The following STXBP5 variants were observed in gnomAD, a reference collection of about 807,000 sequenced individuals.
STXBP5 encodes the protein syntaxin binding protein 5, also known as syntaxin-binding protein 5.
Under a neutral mutation model 152.4 loss-of-function variants are expected in STXBP5, and 50 were observed. The observed-to-expected ratio is 0.33, with a 90% CI of 0.26 to 0.42. The LOEUF (loss-of-function observed/expected upper bound fraction) is 0.42. STXBP5 is among the 10% of genes least tolerant of loss of function. The probability of loss-of-function intolerance (pLI) is 1.00; values close to 1 mark genes in which losing one functional copy is unlikely to be tolerated. For synonymous variants in STXBP5, 492 were observed against 494.7 expected, an observed-to-expected ratio of 0.99 and a Z score of 0.07; for missense variants, 1,167 against 1,388.6, an observed-to-expected ratio of 0.84 and a Z score of 2.54.
At chr6:147,269,618 T>C (rs1489711585) in intron 7 of STXBP5, among the ~76,000 whole-genome samples, 1 of 151,992 alleles carries the variant, frequency 6.6e-6, no homozygotes, top group African/African-American at 2.4e-5. Flanking sequence ...CTCCATATGC[T>C]TAAGAAGGTA....
intron 21 of STXBP5, among the ~76,000 whole-genome samples, chr6:147,347,604 G>T (rs2128403013): frequency 6.6e-6 from 1 of 152,292 alleles, no homozygotes; most frequent in Non-Finnish European, 1.5e-5. Flanking sequence ...AGGAATGTTT[G>T]ATCATAAAAG....
At chr6:147,365,754 T>G (rs1381998765) in intron 25 of STXBP5, among the ~76,000 whole-genome samples, 1 of 152,230 alleles carries the variant, frequency 6.6e-6, no homozygotes, top group Non-Finnish European at 1.5e-5. Context: ...TGTTGAAGAC[T>G]ATGATGAACT....
chr6:147,227,358 A>T (rs554357918), intron 2 of STXBP5, among the ~76,000 whole-genome samples: 3 of 152,158 alleles, frequency 2.0e-5, no homozygotes, highest in African/African-American at 4.8e-5. Flanking sequence ...AACATGCCCT[A>T]CCTTGCCCAT....
At chr6:147,347,032 G>A (rs1283853810) in intron 21 of STXBP5, among the ~76,000 whole-genome samples, 3 of 152,134 alleles carry the variant, frequency 2.0e-5, no homozygotes, top group Non-Finnish European at 2.9e-5. Context: ...GGAATTCTGG[G>A]TTGCTGGCAT....
intron 26 of STXBP5, among the ~76,000 whole-genome samples, chr6:147,380,443 T>A (rs1583018826): frequency 7.2e-6 from 1 of 139,122 alleles, no homozygotes; most frequent in African/African-American, 2.7e-5. Context: ...AATAACTAGA[T>A]ATTCATCTGC....
Position 147,384,899 on chromosome 6 carries a change from C to T in STXBP5, c.*144C>T, listed in dbSNP as rs903471829. On this transcript the variant is annotated 3_prime_UTR_variant, in exon 28 of 28. Coordinates refer to ENST00000321680, the MANE Select transcript of STXBP5 (RefSeq NM_001127715.4). ...AGCACAGTCATGCACTGTTTTACCTCAGTCATGTGGCTTTAACTGAGGAGT... is the reference window on the plus strand; with the variant it reads ...AGCACAGTCATGCACTGTTTTACCTTAGTCATGTGGCTTTAACTGAGGAGT... The T allele has an allele frequency of 8.5e-6, 7 of 822,278 alleles. No homozygotes were observed. The highest frequency in any genetic ancestry group is 1.7e-5 in the African/African-American group (1 of 58,010). The allele number at this position is 822,278 out of a possible 1,614,324, so 50.9% of individuals were successfully genotyped here.
At chr6:147,312,615 C>G (rs558614029) in intron 11 of STXBP5, among the ~76,000 whole-genome samples, 1 of 152,222 alleles carries the variant, frequency 6.6e-6, no homozygotes, top group Admixed American at 6.6e-5. Context: ...CAGTTCCCTA[C>G]AGTAGAACAT....
chr6:147,277,315 G>A (rs1780491176), intron 7 of STXBP5, among the ~76,000 whole-genome samples: 1 of 152,074 alleles, frequency 6.6e-6, no homozygotes. Flanking sequence ...TTGCATTCCA[G>A]TAGGGTGGCT....
chr6:147,382,621 T>C (rs1471613965), intron 26 of STXBP5, among the ~76,000 whole-genome samples, 157 bp from the exon 27 acceptor site: 2 of 152,152 alleles, frequency 1.3e-5, no homozygotes, highest in African/African-American at 4.8e-5. Flanking sequence ...AAACCAATCA[T>C]AACAAAAGAA....
chr6:147,361,810 C>G (rs1483437154), intron 23 of STXBP5, among the ~76,000 whole-genome samples: 1 of 152,108 alleles, frequency 6.6e-6, no homozygotes, highest in Non-Finnish European at 1.5e-5. Flanking sequence ...GGCGGAAGGA[C>G]TCTTTGGGTG....
At chr6:147,227,328 G>A (rs1320126423) in intron 2 of STXBP5, among the ~76,000 whole-genome samples, 1 of 152,144 alleles carries the variant, frequency 6.6e-6, no homozygotes, top group Non-Finnish European at 1.5e-5. Context: ...GTATAGTGTA[G>A]TGGGGGCTGT....
intron 2 of STXBP5, among the ~76,000 whole-genome samples, chr6:147,230,272 A>G (rs1000996704): frequency 5.3e-5 from 8 of 151,922 alleles, no homozygotes; most frequent in Non-Finnish European, 1.0e-4. Context: ...TGATCATTTT[A>G]TACGTGGAGA....
At chr6:147,296,928 AT>A (rs374331860) in intron 9 of STXBP5, among the ~76,000 whole-genome samples, 22 of 152,332 alleles carry the variant, frequency 1.4e-4, no homozygotes, top group South Asian at 4.1e-4. Flanking sequence ...TGGAAAAAAA[AT>A]AAGAATAAAA....
chr6:147,329,649 G>A (rs1362731083), intron 18 of STXBP5, among the ~76,000 whole-genome samples: 6 of 73,310 alleles, frequency 8.2e-5, no homozygotes, highest in East Asian at 4.4e-4. Context: ...TTTTTGAGAC[G>A]GAGTCTCGCT....
intron 4 of STXBP5, among the ~76,000 whole-genome samples, chr6:147,252,852 G>A (rs1054585838): frequency 7.2e-5 from 11 of 152,172 alleles, no homozygotes; most frequent in African/African-American, 2.4e-4. Context: ...AGGACCAAAC[G>A]GATTCACAGC....
chr6:147,208,287 C>G (rs988481546), intron 2 of STXBP5, among the ~76,000 whole-genome samples: 1 of 152,080 alleles, frequency 6.6e-6, no homozygotes, highest in Non-Finnish European at 1.5e-5. Context: ...GTCATTCCTT[C>G]TGTTGGGTTT....
Position 147,373,914 on chromosome 6 carries a change from C to T in STXBP5, c.3193+72C>T, listed in dbSNP as rs1241174679. 2.1e-5 allele frequency: 21 copies of T among 989,608 alleles called. 1 individual carries two copies. Among genetic ancestry groups the T allele is most frequent in the Middle Eastern group, 2.2e-4 (1 of 4,462 alleles). The allele number at this position is 989,608 out of a possible 1,614,324, so 61.3% of individuals were successfully genotyped here. A position where few individuals can be genotyped will look rare whatever the true frequency, so the allele number is the denominator to read the frequency against. ...CAAGCCATACAAAAATTTTTTTATACGTGTAAATTATGTTCACTTTTTTTC... is the reference window on the plus strand; with the variant it reads ...CAAGCCATACAAAAATTTTTTTATATGTGTAAATTATGTTCACTTTTTTTC... On this transcript the variant is annotated intron_variant, in intron 26 of 27. Transcript: ENST00000321680.
At chr6:147,251,827 C>T (rs1779112588) in intron 4 of STXBP5, among the ~76,000 whole-genome samples, 1 of 151,482 alleles carries the variant, frequency 6.6e-6, no homozygotes, top group Non-Finnish European at 1.5e-5. Flanking sequence ...CGACAGACAC[C>T]TCATACAGGA....
chr6:147,374,835 T>C (rs1161406128), intron 26 of STXBP5, among the ~76,000 whole-genome samples: 1 of 152,054 alleles, frequency 6.6e-6, no homozygotes, highest in African/African-American at 2.4e-5. Context: ...ACTCCTGCTA[T>C]TTGCAAAGAC....
Sources: gnomAD v4.1 joint callset for allele counts (sites outside exome capture counted in the v4.1 genomes callset) on GRCh38, gnomAD v4.1.1 for gene constraint, MANE v1.5 for transcripts, NCBI Gene and HGNC (gene_info 2026-07-23, HGNC 2026-07-21) for gene names.